Variants in UBE2E2 observed in about 807,000 individuals in gnomAD.
UBE2E2 encodes ubiquitin conjugating enzyme E2 E2.
Under a neutral mutation model 24.7 loss-of-function variants are expected in UBE2E2, and 6 were observed. That is an observed-to-expected ratio of 0.24 (90% CI 0.13 to 0.48). UBE2E2 has a LOEUF of 0.48. UBE2E2 is among the 20% of genes least tolerant of loss of function. The pLI is 0.99. For synonymous variants in UBE2E2, 104 were observed against 83.6 expected (o/e 1.24, Z -1.33); for missense variants, 169 against 245.0 (o/e 0.69, Z 2.07).
chr3:23,455,520 C>T (rs1698658416), intron 3 of UBE2E2, among the ~76,000 whole-genome samples: 1 of 151,970 alleles, frequency 6.6e-6, no homozygotes, highest in African/African-American at 2.4e-5. Flanking sequence ...GAGTTCAAGA[C>T]CAGCCTGGTC....
chr3:23,418,719 T>A (rs539413042), intron 3 of UBE2E2, among the ~76,000 whole-genome samples: 5 of 152,280 alleles, frequency 3.3e-5, no homozygotes, highest in African/African-American at 1.2e-4. Flanking sequence ...TTATGATAGA[T>A]CTGTCATGAT....
In UBE2E2 at chr3:23,217,325, G is replaced by C; in HGVS notation, c.227+13G>C. 1 of 1,611,364 alleles carries C rather than the reference G, an allele frequency of 6.2e-7. No homozygotes were observed. Among genetic ancestry groups the C allele is most frequent in the Non-Finnish European group, 8.5e-7 (1 of 1,178,136 alleles). On this transcript the variant is annotated intron_variant, in intron 3 of 5. Transcript: ENST00000396703. ...CTCCCAACTGTAGGTAAGTACTCAT[G>C]GTTTTTTATTTACTTGTATCTTTTG...
intron 5 of UBE2E2, among the ~76,000 whole-genome samples, chr3:23,535,822 C>G (rs1280078732): frequency 6.6e-6 from 1 of 151,942 alleles, no homozygotes; most frequent in African/African-American, 2.4e-5. Context: ...AAGGCTTCAC[C>G]GTGTTAGCCA....
intron 3 of UBE2E2, among the ~76,000 whole-genome samples, chr3:23,429,222 T>C (rs890187929): frequency 2.6e-5 from 4 of 152,162 alleles, no homozygotes; most frequent in Non-Finnish European, 5.9e-5. Context: ...GAAGAAATTA[T>C]ACCAATTTTC....
chr3:23,271,033 T>G (rs1168302772), intron 3 of UBE2E2: 3 of 456,698 alleles, frequency 6.6e-6, no homozygotes, highest in Non-Finnish European at 1.3e-5. Flanking sequence ...TTCTATTCAT[T>G]TCTCAATTAA....
intron 5 of UBE2E2, among the ~76,000 whole-genome samples, chr3:23,550,979 A>G (rs982333953): frequency 6.6e-5 from 10 of 152,206 alleles, no homozygotes; most frequent in Non-Finnish European, 7.3e-5. Flanking sequence ...ATTAGTAGGG[A>G]TGAATTACTC....
chr3:23,510,107 T>C (rs1345717646), intron 4 of UBE2E2, among the ~76,000 whole-genome samples: 1 of 152,120 alleles, frequency 6.6e-6, no homozygotes, highest in East Asian at 1.9e-4. Flanking sequence ...AGAGATTTGT[T>C]CAAGGAGATC....
intron 3 of UBE2E2, among the ~76,000 whole-genome samples, chr3:23,346,506 C>G (rs1484146610): frequency 6.6e-6 from 1 of 152,086 alleles, no homozygotes; most frequent in African/African-American, 2.4e-5. Context: ...GCTGTTTTGA[C>G]CGATATTGGT....
intron 3 of UBE2E2, among the ~76,000 whole-genome samples, chr3:23,260,226 A>C (rs1359022176): frequency 6.6e-6 from 1 of 152,214 alleles, no homozygotes; most frequent in African/African-American, 2.4e-5. Context: ...ATTTAAAAAC[A>C]GTATTGTCTA....
intron 3 of UBE2E2, among the ~76,000 whole-genome samples, chr3:23,398,958 G>A (rs915086046): frequency 2.0e-5 from 3 of 152,042 alleles, no homozygotes; most frequent in South Asian, 2.1e-4. Flanking sequence ...GAAATTAGTC[G>A]CCCTTTATAC....
intron 3 of UBE2E2, among the ~76,000 whole-genome samples, chr3:23,241,964 C>T (rs1264110677): frequency 6.6e-6 from 1 of 152,186 alleles, no homozygotes; most frequent in Non-Finnish European, 1.5e-5. Context: ...GGCTGGAGCT[C>T]AGTGGCATGA....
rs187998414 is a variant in UBE2E2 at position 23,213,525 on chromosome 3, G to A, written c.177-3737G>A. Among the ~76,000 whole-genome samples, 24 of 152,098 alleles carry A rather than the reference G, an allele frequency of 1.6e-4. 1 individual carries two copies. The highest frequency in any genetic ancestry group is 1.6e-3 in the Admixed American group (24 of 15,276). On this transcript the variant is annotated intron_variant, in intron 2 of 5. Transcript: ENST00000396703. ...GTAATATACATTGAAATTTAATTGT[G>A]TATTGCTCCTTGACTTGTCTCAGGA...
intron 3 of UBE2E2, among the ~76,000 whole-genome samples, chr3:23,497,993 T>C (rs1699641256): frequency 6.6e-6 from 1 of 152,248 alleles, no homozygotes; most frequent in South Asian, 2.1e-4. Context: ...TTTTGTAAAA[T>C]AATATTACTG....
chr3:23,545,090 C>T (rs990842965), intron 5 of UBE2E2, among the ~76,000 whole-genome samples: 16 of 152,244 alleles, frequency 1.1e-4, no homozygotes, highest in East Asian at 3.8e-4. Flanking sequence ...AACTTACAAT[C>T]GAGTTTTATA....
intron 5 of UBE2E2, among the ~76,000 whole-genome samples, chr3:23,582,487 G>A (rs1439321827): frequency 6.6e-6 from 1 of 152,080 alleles, no homozygotes; most frequent in African/African-American, 2.4e-5. Context: ...ACTGCTTTCC[G>A]CAGTGGTTTG....
chr3:23,575,404 T>G (rs1696325030), intron 5 of UBE2E2, among the ~76,000 whole-genome samples: 1 of 152,130 alleles, frequency 6.6e-6, no homozygotes. Context: ...CTAAAGCAAA[T>G]TTTGACCGAG....
chr3:23,315,638 A>C (rs1477063630), intron 3 of UBE2E2, among the ~76,000 whole-genome samples: 1 of 152,060 alleles, frequency 6.6e-6, no homozygotes, highest in African/African-American at 2.4e-5. Context: ...TGGTGAGGTC[A>C]TGTTTTTCTG....
intron 3 of UBE2E2, among the ~76,000 whole-genome samples, chr3:23,272,294 CTGAG>C (rs1309723017): frequency 6.6e-6 from 1 of 150,418 alleles, no homozygotes; most frequent in African/African-American, 2.4e-5. Context: ...GCCGGCTTCT[CTGAG>C]TGTGGGGCCT....
At chr3:23,260,761 C>T (rs1398460221) in intron 3 of UBE2E2, among the ~76,000 whole-genome samples, 2 of 152,080 alleles carry the variant, frequency 1.3e-5, no homozygotes, top group Non-Finnish European at 2.9e-5. Context: ...CCTTGGCAGT[C>T]CACCTGGGCA....
Sources: gnomAD v4.1 joint callset for allele counts (sites outside exome capture counted in the v4.1 genomes callset) on GRCh38, gnomAD v4.1.1 for gene constraint, MANE v1.5 for transcripts, NCBI Gene and HGNC (gene_info 2026-07-23, HGNC 2026-07-21) for gene names.